SCUBE1: variants seen among roughly 807,000 people sequenced by gnomAD.
SCUBE1 encodes signal peptide, CUB and EGF-like domain-containing protein 1.
SCUBE1 carries 59 observed loss-of-function variants against 124.4 expected under a neutral mutation model. The observed-to-expected ratio is 0.47, with a 90% confidence interval of 0.38 to 0.59. The LOEUF is 0.59. Among genes scored for constraint, SCUBE1 ranks in the 20% least tolerant of loss-of-function variants. The pLI, the probability that SCUBE1 is intolerant of heterozygous loss-of-function variation, is 0.00. For missense variants in SCUBE1, 1,150 were observed against 1,371.2 expected (o/e 0.84, Z 2.55); for synonymous variants, 545 against 550.9 (o/e 0.99, Z 0.15).
chr22:43,223,056 C>A (rs2071726), intron 11 of SCUBE1, 41 bp downstream of exon 11: 1 of 1,496,560 alleles, frequency 6.7e-7, no homozygotes. Context: ...GAGGAAGACC[C>A]CCCTGCCACA....
At chr22:43,229,042 G>A in intron 9 of SCUBE1, 30 bp downstream of exon 9, 1 of 1,522,242 alleles carries the variant, frequency 6.6e-7, no homozygotes, top group Non-Finnish European at 9.1e-7. Flanking sequence ...GCCTCGGGGG[G>A]GAGGTGGCCC....
At chr22:43,284,755 A>ATCGTCG (rs767204628) in intron 4 of SCUBE1, among the ~76,000 whole-genome samples, 65,808 of 149,216 alleles carry the variant, frequency 0.44, 16,408 homozygotes, top group Non-Finnish European at 0.57. Flanking sequence ...TGCAATCATC[A>ATCGTCG]TCGTCATCGT....
At chr22:43,332,369 CAAATG>C (rs1926929997) in intron 2 of SCUBE1, among the ~76,000 whole-genome samples, 1 of 152,164 alleles carries the variant, frequency 6.6e-6, no homozygotes, top group Non-Finnish European at 1.5e-5. Flanking sequence ...AACGGTATCA[CAAATG>C]GTAGCTTCCA....
At chr22:43,229,991 T>A (rs565614384) in intron 8 of SCUBE1, among the ~76,000 whole-genome samples, 1 of 152,218 alleles carries the variant, frequency 6.6e-6, no homozygotes, top group South Asian at 2.1e-4. Context: ...CATTAGCTCA[T>A]GTAATTTCAC....
At chr22:43,326,783 T>C (rs927985743) in intron 2 of SCUBE1, among the ~76,000 whole-genome samples, 2 of 152,104 alleles carry the variant, frequency 1.3e-5, no homozygotes, top group Non-Finnish European at 2.9e-5. Context: ...CAGTCCGTTA[T>C]GTGGCTTCAG....
rs1306152052 is a variant in SCUBE1 at position 43,222,721 on chromosome 22, A to G, written c.1349T>C (p.Leu450Pro). The G allele has an allele frequency of 6.2e-7, 1 of 1,603,998 alleles. No homozygotes were observed. The highest frequency in any genetic ancestry group is 8.5e-7 in the Non-Finnish European group (1 of 1,175,112). ...CTGCGGCCCTGGAACTCCGCAGCTC[A>G]GGACGTAGCTATTTTCCGAGTCTGC... ...FVPDSENSYV[L>P]SCGVPGPQGK... The change falls in exon 12 of 22, where the codon CTG becomes CCG. Residue 450 changes from leucine (L) to proline (P), a missense_variant. By Grantham distance (98) the Leu-to-Pro change is moderately conservative. Coordinates refer to ENST00000360835, the MANE Select transcript of SCUBE1 (RefSeq NM_173050.5).
At chr22:43,323,367 T>C (rs1454193119) in intron 2 of SCUBE1, among the ~76,000 whole-genome samples, 1 of 152,122 alleles carries the variant, frequency 6.6e-6, no homozygotes, top group Admixed American at 6.5e-5. Flanking sequence ...CATTCAAATA[T>C]CTACTCAACC....
intron 3 of SCUBE1, among the ~76,000 whole-genome samples, chr22:43,303,880 A>G (rs1385118547): frequency 6.6e-6 from 1 of 152,170 alleles, no homozygotes; most frequent in Non-Finnish European, 1.5e-5. Flanking sequence ...CCTAAATGTA[A>G]TGAGTTGATC....
Position 43,226,950 on chromosome 22 carries a change from C to T in SCUBE1, c.1207+424G>A, listed in dbSNP as rs183309862. Among the ~76,000 whole-genome samples the T allele has an allele frequency of 7.4e-4, 113 of 152,250 alleles. 2 individuals carry two copies. Among genetic ancestry groups the T allele is most frequent in the Admixed American group, 6.3e-3 (96 of 15,310 alleles). ...GTGCCCCACTGAGGCTGCTGCACCC[C>T]GAGTGACCCTCCTCCTCCCCCTCAG... On this transcript the variant is annotated intron_variant, in intron 10 of 21. Transcript: ENST00000360835.
intron 6 of SCUBE1, among the ~76,000 whole-genome samples, chr22:43,253,810 G>C (rs184708082): frequency 4.6e-4 from 57 of 122,610 alleles, no homozygotes; most frequent in Admixed American, 4.0e-3. Flanking sequence ...GGGTACCTAA[G>C]GGGCCCAGCT....
chr22:43,305,212 G>A (rs5759273), intron 3 of SCUBE1, among the ~76,000 whole-genome samples: 9,526 of 152,252 alleles, frequency 0.063, 601 homozygotes, highest in East Asian at 0.28. Flanking sequence ...ACGCCCAGGT[G>A]ACACTGGACA....
chr22:43,297,098 T>C (rs2146758564), intron 3 of SCUBE1, among the ~76,000 whole-genome samples: 1 of 152,334 alleles, frequency 6.6e-6, no homozygotes, highest in East Asian at 1.9e-4. Flanking sequence ...CCACCAGGCC[T>C]GAGGACCCTG....
rs970119576 is a variant in SCUBE1 at position 43,218,214 on chromosome 22, G to T, written c.1891+41C>A. 3 of 1,590,678 alleles carry T rather than the reference G, an allele frequency of 1.9e-6. No homozygotes were observed. In the African/African-American group the frequency reaches 4.0e-5, roughly 21 times the overall value. On this transcript the variant is annotated intron_variant, in intron 15 of 21. Transcript: ENST00000360835. ...TTTACCCCGGCTCATGTGCAAGGAAGGACAGAGTCAGCATCTGAGTGGCCA... is the reference window on the plus strand; with the variant it reads ...TTTACCCCGGCTCATGTGCAAGGAATGACAGAGTCAGCATCTGAGTGGCCA...
intron 2 of SCUBE1, among the ~76,000 whole-genome samples, chr22:43,327,540 A>C (rs1273094866): frequency 6.6e-6 from 1 of 152,122 alleles, no homozygotes; most frequent in Non-Finnish European, 1.5e-5. Flanking sequence ...TAATCCCAGC[A>C]CTTTGGGAGG....
chr22:43,252,440 C>T (rs771086466), intron 6 of SCUBE1, among the ~76,000 whole-genome samples: 1 of 152,188 alleles, frequency 6.6e-6, no homozygotes, highest in Non-Finnish European at 1.5e-5. Context: ...GCATCCGAGC[C>T]GCTCTCCTGA....
intron 4 of SCUBE1, among the ~76,000 whole-genome samples, chr22:43,269,597 G>T (rs756878184): frequency 6.6e-6 from 1 of 152,142 alleles, no homozygotes; most frequent in Non-Finnish European, 1.5e-5. Context: ...GAACGGCAGA[G>T]CAGGGAGAAA....
At chr22:43,204,804 C>T (rs1390236023) in intron 21 of SCUBE1, among the ~76,000 whole-genome samples, 2 of 151,538 alleles carry the variant, frequency 1.3e-5, no homozygotes, top group Non-Finnish European at 2.9e-5. Context: ...ATTAGCTGGG[C>T]GTGGTGGCGC....
intron 3 of SCUBE1, among the ~76,000 whole-genome samples, chr22:43,309,707 C>G (rs559929663): frequency 2.0e-5 from 3 of 152,034 alleles, no homozygotes; most frequent in Non-Finnish European, 2.9e-5. Context: ...CCGTGTCCAC[C>G]CCCACACCCA....
intron 4 of SCUBE1, among the ~76,000 whole-genome samples, chr22:43,273,006 A>G (rs139041): frequency 0.91 from 138,106 of 152,302 alleles, 62,797 homozygotes; most frequent in East Asian, 1. Flanking sequence ...AAGAGGTGGC[A>G]CACAAGGACT....
Sources: gnomAD v4.1 joint callset for allele counts (sites outside exome capture counted in the v4.1 genomes callset) on GRCh38, gnomAD v4.1.1 for gene constraint, MANE v1.5 for transcripts, NCBI Gene and HGNC (gene_info 2026-07-23, HGNC 2026-07-21) for gene names.